TENM4: variants seen among roughly 807,000 people sequenced by gnomAD.
The protein encoded by TENM4 is teneurin-4.
TENM4 carries 82 observed loss-of-function variants against 243.3 expected under a neutral mutation model. The ratio of observed to expected loss-of-function variants is 0.34; its 90% confidence interval spans 0.28 to 0.40. TENM4 has a LOEUF of 0.40. TENM4 is among the 10% of genes least tolerant of loss of function. The probability of loss-of-function intolerance (pLI) is 1.00; values close to 1 mark genes in which losing one functional copy is unlikely to be tolerated. For missense variants in TENM4, 3,138 were observed against 3,673.3 expected (o/e 0.85, Z 3.77); for synonymous variants, 1,412 against 1,456.3 (o/e 0.97, Z 0.69).
chr11:79,165,081 C>A (rs3017373), intron 3 of TENM4, among the ~76,000 whole-genome samples: 2 of 151,556 alleles, frequency 1.3e-5, no homozygotes, highest in South Asian at 4.2e-4. Context: ...TTTGAAATTG[C>A]GAATTGTGCT....
At chr11:79,177,221 C>T (rs1214182302) in intron 3 of TENM4, among the ~76,000 whole-genome samples, 2 of 151,714 alleles carry the variant, frequency 1.3e-5, no homozygotes, top group African/African-American at 4.8e-5. Context: ...AAGAACTGTT[C>T]TCATTAAAGC....
At chr11:78,957,830 G>A (rs1216117016) in intron 6 of TENM4, among the ~76,000 whole-genome samples, 2 of 152,208 alleles carry the variant, frequency 1.3e-5, no homozygotes, top group Admixed American at 1.3e-4. Flanking sequence ...CTTCGTAAAG[G>A]TTTGTGAGGT....
chr11:79,391,691 AT>A (rs1297941190), intron 1 of TENM4, among the ~76,000 whole-genome samples: 1 of 152,188 alleles, frequency 6.6e-6, no homozygotes, highest in African/African-American at 2.4e-5. Flanking sequence ...ACAATCATAC[AT>A]TTTGCTGCAG....
chr11:78,931,006 C>G (rs1240983566), intron 6 of TENM4, among the ~76,000 whole-genome samples: 1 of 152,192 alleles, frequency 6.6e-6, no homozygotes, highest in African/African-American at 2.4e-5. Flanking sequence ...AGGGCCTCAT[C>G]TGTTGTTCCT....
At chr11:79,092,626 G>A (rs1860985967) in intron 4 of TENM4, among the ~76,000 whole-genome samples, 1 of 152,184 alleles carries the variant, frequency 6.6e-6, no homozygotes, top group African/African-American at 2.4e-5. Context: ...TAAAGAGTAG[G>A]CGGCCAGTTC....
chr11:79,009,575 A>G (rs2136745531), intron 6 of TENM4, among the ~76,000 whole-genome samples: 1 of 152,288 alleles, frequency 6.6e-6, no homozygotes, highest in Non-Finnish European at 1.5e-5. Flanking sequence ...ACAGAGCATT[A>G]TGGACAGTTT....
intron 2 of TENM4, among the ~76,000 whole-genome samples, chr11:79,237,805 G>T (rs1353419236): frequency 6.6e-6 from 1 of 152,182 alleles, no homozygotes; most frequent in African/African-American, 2.4e-5. Context: ...CGGCTCAGAG[G>T]CTCTTTTTCG....
rs552164147 is a variant in TENM4 at position 79,369,901 on chromosome 11, C to A, written c.-321+70608G>T. On this transcript the variant is annotated intron_variant, in intron 1 of 33. Transcript: ENST00000278550. ...AATAAATGGCTCTTAGAGCTAGGTT[C>A]AAACCCAGGACTGTCTGTCTCCAAA... 1.6e-4 allele frequency among the ~76,000 whole-genome samples: 25 copies of A among 152,300 alleles called. 1 individual carries two copies. In the South Asian group the frequency reaches 5.2e-3, roughly 32 times the overall value.
At chr11:79,101,826 G>T (rs183409490) in intron 4 of TENM4, among the ~76,000 whole-genome samples, 1 of 152,310 alleles carries the variant, frequency 6.6e-6, no homozygotes, top group Admixed American at 6.5e-5. Context: ...ATAACTTTCA[G>T]CCAAGGTTTC....
chr11:79,177,457 C>G (rs1021203069), intron 3 of TENM4, among the ~76,000 whole-genome samples: 7 of 151,974 alleles, frequency 4.6e-5, no homozygotes, highest in Admixed American at 3.9e-4. Flanking sequence ...ATATTTGAAG[C>G]CTCTCTGAGC....
At chr11:79,186,586 C>T (rs1050921884) in intron 3 of TENM4, among the ~76,000 whole-genome samples, 16 of 152,228 alleles carry the variant, frequency 1.1e-4, no homozygotes, top group South Asian at 4.1e-4. Flanking sequence ...AGCCAGTTTA[C>T]GGAGAAAAGC....
chr11:79,111,237 C>T (rs1398865599), intron 4 of TENM4, among the ~76,000 whole-genome samples: 1 of 152,186 alleles, frequency 6.6e-6, no homozygotes, highest in Non-Finnish European at 1.5e-5. Context: ...CCATGTAAAA[C>T]TGTGAGTCCA....
intron 29 of TENM4, 55 bp from the exon 30 acceptor site, chr11:78,676,442 G>A (rs1858480744): frequency 2.7e-6 from 4 of 1,469,118 alleles, no homozygotes; most frequent in African/African-American, 1.4e-5. Context: ...GGAGGGAGGT[G>A]TGAGGACAGC....
chr11:78,838,509 C>T (rs1015972386), intron 12 of TENM4, among the ~76,000 whole-genome samples: 1 of 152,144 alleles, frequency 6.6e-6, no homozygotes, highest in Non-Finnish European at 1.5e-5. Context: ...TTGGGTTTTA[C>T]CCTCTTCTAG....
intron 6 of TENM4, among the ~76,000 whole-genome samples, chr11:79,016,473 T>G (rs996742662): frequency 6.6e-6 from 1 of 152,158 alleles, no homozygotes; most frequent in Non-Finnish European, 1.5e-5. Flanking sequence ...TTTGGGGTCA[T>G]GATTATGAGT....
intron 29 of TENM4, among the ~76,000 whole-genome samples, chr11:78,677,378 C>A (rs1858506204): frequency 6.6e-6 from 1 of 151,816 alleles, no homozygotes; most frequent in African/African-American, 2.4e-5. Flanking sequence ...CCTCAGCCTC[C>A]CAAGTAGCTA....
At chr11:79,309,980 G>A (rs1856692138) in intron 1 of TENM4, among the ~76,000 whole-genome samples, 1 of 152,140 alleles carries the variant, frequency 6.6e-6, no homozygotes, top group Admixed American at 6.5e-5. Context: ...CTTCCAGGCA[G>A]GGCTGGATGT....
At chr11:78,971,148 C>T (rs757505257) in intron 6 of TENM4, among the ~76,000 whole-genome samples, 4 of 151,874 alleles carry the variant, frequency 2.6e-5, no homozygotes, top group African/African-American at 4.8e-5. Context: ...CTCAGCCTCC[C>T]GAGTAGTCGG....
At chr11:79,419,310 A>T (rs1858882389) in intron 1 of TENM4, among the ~76,000 whole-genome samples, 1 of 152,098 alleles carries the variant, frequency 6.6e-6, no homozygotes, top group African/African-American at 2.4e-5. Flanking sequence ...GACTCACCTC[A>T]CTGCTTATAA....
Sources: allele counts gnomAD v4.1 joint callset (sites outside exome capture counted in the v4.1 genomes callset), GRCh38; gene constraint gnomAD v4.1.1; transcripts MANE v1.5; gene names NCBI Gene and HGNC (gene_info 2026-07-23, HGNC 2026-07-21).